The following SPATA17 variants were observed in gnomAD, a reference collection of about 807,000 sequenced individuals.
SPATA17 encodes spermatogenesis-associated protein 17.
Under a neutral mutation model 62.2 loss-of-function variants are expected in SPATA17, and 53 were observed. The observed-to-expected ratio is 0.85, with a 90% CI of 0.68 to 1.07. SPATA17 has a LOEUF of 1.07. SPATA17 is among the 50% of genes least tolerant of loss of function. SPATA17 has a pLI of 0.00. For missense variants in SPATA17, 466 were observed against 425.5 expected, an observed-to-expected ratio of 1.10 and a Z score of -0.84; for synonymous variants, 146 against 146.8, an observed-to-expected ratio of 0.99 and a Z score of 0.04.
chr1:217,734,337 C>T (rs1356866748), intron 5 of SPATA17, among the ~76,000 whole-genome samples: 2 of 152,072 alleles, frequency 1.3e-5, no homozygotes, highest in Non-Finnish European at 2.9e-5. Flanking sequence ...CCAAATACAC[C>T]ACAGCAGAAA....
At chr1:217,762,184 C>T (rs1046168231) in intron 6 of SPATA17, among the ~76,000 whole-genome samples, 2 of 152,140 alleles carry the variant, frequency 1.3e-5, no homozygotes, top group Non-Finnish European at 2.9e-5. Context: ...CTACACTCTC[C>T]CTCAGTAACC....
chr1:217,759,387 A>G (rs1012522406), intron 6 of SPATA17, among the ~76,000 whole-genome samples: 47 of 152,130 alleles, frequency 3.1e-4, no homozygotes, highest in Admixed American at 3.9e-4. Flanking sequence ...TGAACCCGGG[A>G]GGCGGAGGTG....
intron 9 of SPATA17, among the ~76,000 whole-genome samples, chr1:217,802,392 T>G (rs533395710): frequency 6.6e-4 from 100 of 152,230 alleles, no homozygotes; most frequent in Non-Finnish European, 1.2e-3. Context: ...TATATTAGTC[T>G]ATACTCAGAC....
intron 9 of SPATA17, among the ~76,000 whole-genome samples, chr1:217,851,346 A>C (rs1182907316): frequency 6.6e-6 from 1 of 152,114 alleles, no homozygotes; most frequent in Non-Finnish European, 1.5e-5. Context: ...ATATTGAGTA[A>C]GAAAGCTCCA....
At chr1:217,849,464 T>G (rs531866599) in intron 9 of SPATA17, among the ~76,000 whole-genome samples, 1 of 152,286 alleles carries the variant, frequency 6.6e-6, no homozygotes, top group East Asian at 1.9e-4. Context: ...AAAACAAACT[T>G]ATACAATTTA....
At chr1:217,814,423 G>A (rs1674665954) in intron 9 of SPATA17, among the ~76,000 whole-genome samples, 1 of 152,176 alleles carries the variant, frequency 6.6e-6, no homozygotes, top group Admixed American at 6.6e-5. Flanking sequence ...ATGTGCAGCT[G>A]TACACTGTGG....
chr1:217,675,544 G>C (rs1230115851), intron 4 of SPATA17, among the ~76,000 whole-genome samples: 2 of 152,056 alleles, frequency 1.3e-5, no homozygotes, highest in Non-Finnish European at 2.9e-5. Flanking sequence ...AAAACAAAAT[G>C]GATCTCTGAA....
At chr1:217,833,846 G>A (rs1030421153) in intron 9 of SPATA17, among the ~76,000 whole-genome samples, 1 of 152,224 alleles carries the variant, frequency 6.6e-6, no homozygotes, top group African/African-American at 2.4e-5. Flanking sequence ...AAGTTGAAAT[G>A]TTGTAGTAAC....
At chr1:217,667,447 G>T (rs1571717880) in intron 3 of SPATA17, among the ~76,000 whole-genome samples, 1 of 152,032 alleles carries the variant, frequency 6.6e-6, no homozygotes, top group East Asian at 1.9e-4. Flanking sequence ...GCTATGTCCT[G>T]AGCACCTTAG....
intron 9 of SPATA17, among the ~76,000 whole-genome samples, chr1:217,856,672 A>G (rs893782710): frequency 6.6e-6 from 1 of 152,226 alleles, no homozygotes; most frequent in African/African-American, 2.4e-5. Context: ...TCTGAGCTTT[A>G]GAACAACACA....
At chr1:217,636,462 G>A (rs1470903969) in intron 1 of SPATA17, among the ~76,000 whole-genome samples, 1 of 152,116 alleles carries the variant, frequency 6.6e-6, no homozygotes, top group Non-Finnish European at 1.5e-5. Context: ...TGCCCAGGCT[G>A]GAGTGCAGTG....
At chr1:217,862,097 C>T (rs918491878) in intron 9 of SPATA17, among the ~76,000 whole-genome samples, 4 of 151,586 alleles carry the variant, frequency 2.6e-5, no homozygotes, top group Admixed American at 6.6e-5. Context: ...CCAAAATTAC[C>T]TTCATTAACA....
chr1:217,679,168 A>C (rs945945940), intron 4 of SPATA17, among the ~76,000 whole-genome samples: 1 of 152,166 alleles, frequency 6.6e-6, no homozygotes, highest in African/African-American at 2.4e-5. Flanking sequence ...AATATAAGAA[A>C]ATACCATATT....
chr1:217,797,404 C>T (rs1674177416), intron 8 of SPATA17, among the ~76,000 whole-genome samples: 2 of 151,714 alleles, frequency 1.3e-5, no homozygotes, highest in Non-Finnish European at 2.9e-5. Flanking sequence ...CCCATACCAT[C>T]ACATCTGGCT....
At chr1:217,649,615 G>C (rs1278938074) in intron 2 of SPATA17, among the ~76,000 whole-genome samples, 1 of 152,096 alleles carries the variant, frequency 6.6e-6, no homozygotes, top group Non-Finnish European at 1.5e-5. Context: ...GGGGGAAAAA[G>C]AGAAAACAGT....
chr1:217,859,014 C>T (rs748146079), intron 9 of SPATA17, among the ~76,000 whole-genome samples: 22 of 150,618 alleles, frequency 1.5e-4, no homozygotes, highest in Non-Finnish European at 2.4e-4. Context: ...GGTGACAAAG[C>T]GAGACTCCGT....
rs1676040183 is a variant in SPATA17 at position 217,867,486 on chromosome 1, C to T, written c.*467C>T. The T allele has an allele frequency of 6.6e-6, 1 of 152,252 alleles. No homozygotes were observed. The highest frequency in any genetic ancestry group is 1.5e-5 in the Non-Finnish European group (1 of 68,072). The allele number at this position is 152,252 out of a possible 1,614,324, so 9.4% of individuals were successfully genotyped here. A position where few individuals can be genotyped will look rare whatever the true frequency, so the allele number is the denominator to read the frequency against. On this transcript the variant is annotated 3_prime_UTR_variant, in exon 11 of 11. Coordinates refer to ENST00000366933, the MANE Select transcript of SPATA17 (RefSeq NM_138796.4). Reference sequence around the variant, plus strand: ...CTGATTATACCAGTTAGAAACCCTTCAGACTGTTGAACTTGAGACACACAG... The same window carrying T: ...CTGATTATACCAGTTAGAAACCCTTTAGACTGTTGAACTTGAGACACACAG...
intron 9 of SPATA17, among the ~76,000 whole-genome samples, chr1:217,825,185 A>T (rs1009769128): frequency 2.6e-5 from 4 of 151,812 alleles, no homozygotes; most frequent in Non-Finnish European, 5.9e-5. Context: ...GAAATCATTT[A>T]AAAAATTCAG....
chr1:217,784,499 A>T (rs1350406166), intron 8 of SPATA17, among the ~76,000 whole-genome samples: 1 of 152,164 alleles, frequency 6.6e-6, no homozygotes, highest in Non-Finnish European at 1.5e-5. Context: ...ATGAACTCAA[A>T]TCTTAGTTCC....
Sources: allele counts gnomAD v4.1 joint callset (sites outside exome capture counted in the v4.1 genomes callset), GRCh38; gene constraint gnomAD v4.1.1; transcripts MANE v1.5; gene names NCBI Gene and HGNC (gene_info 2026-07-23, HGNC 2026-07-21).